The following FRAS1 variants were observed in gnomAD, a reference collection of about 807,000 sequenced individuals.
The protein encoded by FRAS1 is Fraser extracellular matrix complex subunit 1.
FRAS1 carries 290 observed loss-of-function variants against 435.2 expected under a neutral mutation model. The observed-to-expected ratio is 0.67, with a 90% CI of 0.61 to 0.73. The LOEUF is 0.73. Ranked by LOEUF, FRAS1 falls within the 30% of genes least tolerant of loss-of-function variation. The pLI, the probability that FRAS1 is intolerant of heterozygous loss-of-function variation, is 0.00. For missense variants in FRAS1, 4,860 were observed against 5,001.5 expected, an observed-to-expected ratio of 0.97 and a Z score of 0.85; for synonymous variants, 1,800 against 1,851.0, an observed-to-expected ratio of 0.97 and a Z score of 0.71.
intron 52 of FRAS1, among the ~76,000 whole-genome samples, chr4:78,473,220 G>A (rs1046850333): frequency 1.8e-4 from 27 of 151,998 alleles, no homozygotes; most frequent in Admixed American, 6.6e-5. Flanking sequence ...CAATATCTCT[G>A]TACTTAAAGA....
intron 29 of FRAS1, among the ~76,000 whole-genome samples, chr4:78,393,135 A>C (rs1054126052): frequency 4.6e-5 from 7 of 151,874 alleles, no homozygotes; most frequent in African/African-American, 1.7e-4. Context: ...CATCACCACT[A>C]TCCAGGTCTT....
chr4:78,340,365 A>G (rs1351504480), intron 20 of FRAS1, among the ~76,000 whole-genome samples: 2 of 152,246 alleles, frequency 1.3e-5, no homozygotes, highest in African/African-American at 2.4e-5. Context: ...ATTATAAAAA[A>G]GTTTGATCAG....
intron 2 of FRAS1, among the ~76,000 whole-genome samples, chr4:78,161,878 T>G (rs1467017715): frequency 6.7e-6 from 1 of 150,152 alleles, no homozygotes; most frequent in Non-Finnish European, 1.5e-5. Flanking sequence ...CTCTTCGCCA[T>G]CCACCTTGTA....
Position 78,317,460 on chromosome 4 carries a change from C to T in FRAS1, c.1912C>T (p.Leu638=). The change falls in exon 17 of 74, where the codon CTG becomes TTG. Residue 638 remains leucine (L), a synonymous_variant. Transcript: ENST00000512123. ...PPKALRQGHC[L]PRCGEGFYSD... Reference sequence around the variant, plus strand: ...CAAGGCTCTGCGTCAAGGCCACTGTCTGCCCCGCTGTGGAGAGGGTTTCTA... The same window carrying T: ...CAAGGCTCTGCGTCAAGGCCACTGTTTGCCCCGCTGTGGAGAGGGTTTCTA... 1 of 1,613,894 alleles carries T rather than the reference C, an allele frequency of 6.2e-7. No individual in the cohort carries two copies. Among genetic ancestry groups the T allele is most frequent in the Non-Finnish European group, 8.5e-7 (1 of 1,179,826 alleles).
At chr4:78,282,616 AC>A (rs1727384131) in intron 11 of FRAS1, among the ~76,000 whole-genome samples, 1 of 145,124 alleles carries the variant, frequency 6.9e-6, no homozygotes, top group South Asian at 2.2e-4. Flanking sequence ...TTGAAGTAAA[AC>A]CCATTATGAA....
At chr4:78,112,466 A>C (rs1322166685) in intron 2 of FRAS1, among the ~76,000 whole-genome samples, 2 of 151,950 alleles carry the variant, frequency 1.3e-5, no homozygotes, top group African/African-American at 4.8e-5. Flanking sequence ...TTTTTCTGAT[A>C]ACTTTTTTTG....
chr4:78,254,212 G>T (rs529806708), intron 5 of FRAS1, among the ~76,000 whole-genome samples: 1 of 152,030 alleles, frequency 6.6e-6, no homozygotes, highest in Non-Finnish European at 1.5e-5. Flanking sequence ...AGTGTATACC[G>T]TATAATAAAT....
intron 6 of FRAS1, among the ~76,000 whole-genome samples, chr4:78,256,824 C>T (rs1274307435): frequency 1.3e-5 from 2 of 152,074 alleles, no homozygotes; most frequent in Admixed American, 6.5e-5. Context: ...CTTGCCATTA[C>T]ATACATAAAA....
chr4:78,298,026 C>CTATA (rs1228358368), intron 14 of FRAS1, among the ~76,000 whole-genome samples: 46 of 113,358 alleles, frequency 4.1e-4, no homozygotes, highest in Non-Finnish European at 5.0e-4. Context: ...CTCTCTCTCT[C>CTATA]TCTCTATATA....
Position 78,318,964 on chromosome 4 carries a change from G to T in FRAS1, c.2115G>T (p.Leu705Phe), listed in dbSNP as rs764280096. ...CCCAGTGTAGAGCCCATTTTTACTT[G>T]GAGAGCACTGGCATATGTGAAGGTA... is the stretch of plus-strand genomic sequence containing the variant. ...CLAQCRAHFYLESTGICEACH... is the reference protein window; with the variant it reads ...CLAQCRAHFYFESTGICEACH... Residue 705 changes from leucine to phenylalanine, a missense_variant, in exon 18 of 74, where the codon TTG becomes TTT. Coordinates refer to ENST00000512123, the MANE Select transcript of FRAS1 (RefSeq NM_025074.7). 4 of 1,613,884 alleles carry T rather than the reference G, an allele frequency of 2.5e-6. No individual in the cohort carries two copies. The highest frequency in any genetic ancestry group is 3.4e-6 in the Non-Finnish European group (4 of 1,179,842).
chr4:78,298,288 T>C (rs1728242042), intron 14 of FRAS1, among the ~76,000 whole-genome samples: 1 of 91,084 alleles, frequency 1.1e-5, no homozygotes, highest in Non-Finnish European at 2.3e-5. Flanking sequence ...CAATGTGATA[T>C]TATAAGGTGT....
intron 2 of FRAS1, among the ~76,000 whole-genome samples, chr4:78,235,231 C>T (rs1036177149): frequency 2.0e-5 from 3 of 152,170 alleles, no homozygotes; most frequent in Admixed American, 1.3e-4. Context: ...ACCTCCACAG[C>T]GACATTGAGA....
intron 2 of FRAS1, among the ~76,000 whole-genome samples, chr4:78,115,034 C>G (rs1393886697): frequency 2.0e-5 from 3 of 152,054 alleles, no homozygotes; most frequent in Non-Finnish European, 4.4e-5. Flanking sequence ...GAGTTTTTAG[C>G]ATGAAGGATT....
At chr4:78,151,786 C>T (rs1356794547) in intron 2 of FRAS1, among the ~76,000 whole-genome samples, 4 of 152,216 alleles carry the variant, frequency 2.6e-5, no homozygotes, top group Non-Finnish European at 4.4e-5. Flanking sequence ...GTCAAGAGAT[C>T]GGAAGAGTAG....
intron 66 of FRAS1, among the ~76,000 whole-genome samples, chr4:78,518,621 A>G (rs115646311): frequency 0.011 from 1,682 of 152,172 alleles, 14 homozygotes; most frequent in Non-Finnish European, 0.017. Flanking sequence ...AATGAAAATG[A>G]TTGGGCCAAA....
intron 70 of FRAS1, among the ~76,000 whole-genome samples, chr4:78,528,197 A>G (rs1721602425): frequency 6.6e-6 from 1 of 152,190 alleles, no homozygotes; most frequent in Non-Finnish European, 1.5e-5. Flanking sequence ...AAGAGTAAAT[A>G]TACTAGAGGG....
chr4:78,206,233 T>G (rs943412792), intron 2 of FRAS1, among the ~76,000 whole-genome samples: 1 of 152,050 alleles, frequency 6.6e-6, no homozygotes, highest in Non-Finnish European at 1.5e-5. Flanking sequence ...GGAGTTATAC[T>G]ACAGAGGAGA....
intron 42 of FRAS1, chr4:78,446,262 G>T: frequency 9.9e-7 from 1 of 1,006,578 alleles, no homozygotes; most frequent in Non-Finnish European, 1.2e-6. Context: ...CACTCTTAAG[G>T]GTCAGTGGTG....
intron 2 of FRAS1, among the ~76,000 whole-genome samples, chr4:78,189,254 A>C (rs1225195407): frequency 6.6e-6 from 1 of 152,222 alleles, no homozygotes. Context: ...TGACTTCTCA[A>C]AACTGGAGGA....
Sources: gnomAD v4.1 joint callset for allele counts (sites outside exome capture counted in the v4.1 genomes callset) on GRCh38, gnomAD v4.1.1 for gene constraint, MANE v1.5 for transcripts, NCBI Gene and HGNC (gene_info 2026-07-23, HGNC 2026-07-21) for gene names.